MAN2B1: variants seen among roughly 807,000 people sequenced by gnomAD.
MAN2B1 encodes the protein mannosidase alpha class 2B member 1.
Under a neutral mutation model 127.5 loss-of-function variants are expected in MAN2B1, and 99 were observed. That is an observed-to-expected ratio of 0.78 (90% confidence interval 0.66 to 0.92). MAN2B1 has a LOEUF of 0.92. Among genes scored for constraint, MAN2B1 ranks in the 40% least tolerant of loss-of-function variants. The pLI is 0.00. For missense variants in MAN2B1, 1,304 were observed against 1,384.8 expected, an observed-to-expected ratio of 0.94 and a Z score of 0.93; for synonymous variants, 573 against 568.8, an observed-to-expected ratio of 1.01 and a Z score of -0.11.
chr19:12,652,724 G>T (rs2023869549), intron 14 of MAN2B1, among the ~76,000 whole-genome samples: 1 of 151,820 alleles, frequency 6.6e-6, no homozygotes, highest in Non-Finnish European at 1.5e-5. Context: ...TAGAGACAGG[G>T]TTTCACCATG....
In MAN2B1 at chr19:12,647,828, T is replaced by C. The variant is rs774405855; in HGVS notation, c.2665-230A>G. On this transcript the variant is annotated intron_variant, in intron 21 of 23. Coordinates refer to ENST00000456935, the MANE Select transcript of MAN2B1 (RefSeq NM_000528.4). This position sits in a 1 kb window ranked among gnomAD's most constrained non-coding sequence, Gnocchi z 4.9. ...TCGAGTCCCGATGGAGCAGAACTGATGTGACCTGAGACTTTGGGAGTTACG... is the reference window on the plus strand; with the variant it reads ...TCGAGTCCCGATGGAGCAGAACTGACGTGACCTGAGACTTTGGGAGTTACG... 2.0e-5 allele frequency among the ~76,000 whole-genome samples: 3 copies of C among 151,260 alleles called. No individual in the cohort carries two copies. Among genetic ancestry groups the C allele is most frequent in the Non-Finnish European group, 4.4e-5 (3 of 67,900 alleles).
rs753811983 is a variant in MAN2B1, at chr19:12,665,706, C to T, written c.259G>A (p.Gly87Arg). Reference sequence around the variant, plus strand: ...CCAGTCCCCATCCTCTACTCACTTCCATAAAAGTACTGGTCCACGGTTTTG... The same window carrying T: ...CCAGTCCCCATCCTCTACTCACTTCTATAAAAGTACTGGTCCACGGTTTTG... ...WLKTVDQYFY[G>R]IKNDIQHAGV... Residue 87 changes from glycine to arginine, a missense_variant, in exon 2 of 24, where the codon GGA becomes AGA. Transcript: ENST00000456935. 1 of 1,613,970 alleles carries T rather than the reference C, an allele frequency of 6.2e-7. No homozygotes were observed. The highest frequency in any genetic ancestry group is 8.5e-7 in the Non-Finnish European group (1 of 1,179,828).
At chr19:12,652,605 C>T (rs2023866483) in intron 14 of MAN2B1, 145 bp from the exon 15 acceptor site, 1 of 666,762 alleles carries the variant, frequency 1.5e-6, no homozygotes, top group East Asian at 2.7e-5. Context: ...AATCTTGGCT[C>T]ACTGCACCCC....
At position 12,652,352 on chromosome 19, in the gene MAN2B1, TC is replaced by T; in HGVS notation, c.1928+10del. 2 of 1,613,244 alleles carry T rather than the reference TC, an allele frequency of 1.2e-6. No homozygotes were observed. The highest frequency in any genetic ancestry group is 8.5e-7 in the Non-Finnish European group (1 of 1,179,354). On this transcript the variant is annotated intron_variant, in intron 15 of 23. Transcript: ENST00000456935. ...ACCACCCCACCCTCAGGCCTGGTGA[TC>T]TTCCCTTACCAGAAGAAGGTCTGGC...
chr19:12,660,045 C>T (rs949188873), intron 7 of MAN2B1, among the ~76,000 whole-genome samples: 1 of 152,010 alleles, frequency 6.6e-6, no homozygotes, highest in African/African-American at 2.4e-5. Flanking sequence ...CAGCCACAGC[C>T]ACAGGCCACT....
In MAN2B1 at chr19:12,663,362, G is replaced by A. The variant is rs146909343; in HGVS notation, c.864C>T (p.Asn288=). 1.8e-5 allele frequency: 29 copies of A among 1,614,132 alleles called. No individual in the cohort carries two copies. Among genetic ancestry groups the A allele is most frequent in the African/African-American group, 6.7e-5 (5 of 75,042 alleles). The change falls in exon 6 of 24, where the codon AAC becomes AAT. Residue 288 remains asparagine, a synonymous_variant. Transcript: ENST00000456935. ...GGAAGTAATCGACCAGCTCCTTGGC[G>A]TTGTACTCGGGGCTGCGAGGGTCCT... is the stretch of plus-strand genomic sequence containing the variant. The part of the protein sequence containing the change: ...LVEDPRSPEY[N]AKELVDYFLN...
Position 12,647,968 on chromosome 19 carries a change from A to G in MAN2B1, c.2664+207T>C. On this transcript the variant is annotated intron_variant, in intron 21 of 23. Coordinates refer to ENST00000456935, the MANE Select transcript of MAN2B1 (RefSeq NM_000528.4). The surrounding 1 kb of genome is among the most constrained non-coding windows in gnomAD (Gnocchi z 4.9). ...GGTGAGTTGGTGGTTTAGGGGCATG[A>G]GCTAGGGCTGTGCCTCTACACAGTC... Among the ~76,000 whole-genome samples the G allele has an allele frequency of 6.6e-6, 1 of 151,806 alleles. No individual in the cohort carries two copies.
intron 14 of MAN2B1, 67 bp from the exon 15 acceptor site, chr19:12,652,527 T>A: frequency 9.7e-7 from 1 of 1,026,314 alleles, no homozygotes; most frequent in Non-Finnish European, 1.4e-6. Context: ...TTTTTAATTT[T>A]TCTTTTTTCT....
At position 12,652,612 on chromosome 19, in the gene MAN2B1, C is replaced by G. The variant is rs2023866759; in HGVS notation, c.1831-152G>C. The G allele has an allele frequency of 4.2e-5, 27 of 647,876 alleles. No individual in the cohort carries two copies. The South Asian group carries it at 4.8e-4, about 12-fold the overall frequency. The allele number at this position is 647,876 out of a possible 1,614,324, so 40.1% of individuals were successfully genotyped here. On this transcript the variant is annotated intron_variant, in intron 14 of 23. Transcript: ENST00000456935. ...AGTGGTGCAATCTTGGCTCACTGCACCCCCCACCTCCCGGGTTCAAGTGAT... is the reference window on the plus strand; with the variant it reads ...AGTGGTGCAATCTTGGCTCACTGCAGCCCCCACCTCCCGGGTTCAAGTGAT...
rs555285695 is a variant in MAN2B1 at position 12,659,430 on chromosome 19, T to C, written c.1027-920A>G. 2.6e-5 allele frequency among the ~76,000 whole-genome samples: 4 copies of C among 151,226 alleles called. No homozygotes were observed. In the South Asian group the frequency reaches 6.3e-4, roughly 24 times the overall value. On this transcript the variant is annotated intron_variant, in intron 7 of 23. Coordinates refer to ENST00000456935, the MANE Select transcript of MAN2B1 (RefSeq NM_000528.4). ...GATTCTCCTGCCTCAGCCTGCCGAG[T>C]AGCTGGTCTTACAGATGAGTGCCAT...
intron 7 of MAN2B1, 190 bp from the exon 8 acceptor site, chr19:12,658,700 T>C: frequency 1.6e-6 from 1 of 612,750 alleles, no homozygotes; most frequent in Admixed American, 2.7e-5. Flanking sequence ...CTAGCCTTTT[T>C]TAAAAGGATT....
intron 7 of MAN2B1, among the ~76,000 whole-genome samples, chr19:12,660,157 C>T (rs1398000969): frequency 2.0e-5 from 3 of 152,128 alleles, no homozygotes; most frequent in Non-Finnish European, 4.4e-5. Flanking sequence ...GATTACATGG[C>T]AAAAGGGGAA....
chr19:12,655,942 G>A (rs1156609458), intron 13 of MAN2B1, 63 bp from the exon 14 acceptor site: 1 of 1,399,478 alleles, frequency 7.1e-7, no homozygotes, highest in Admixed American at 1.7e-5. Context: ...CATGCATGGA[G>A]ACAAAAAACT....
rs1232072412 is a variant in MAN2B1, at chr19:12,649,156, C to T, written c.2416G>A (p.Asp806Asn). 2.5e-6 allele frequency: 4 copies of T among 1,612,406 alleles called. No homozygotes were observed. In the East Asian group the frequency reaches 6.7e-5, roughly 27 times the overall value. ...DRSQGGSSLR[D>N]GSLELMVHRR... Reference sequence around the variant, plus strand: ...CTCACCATGAGCTCCAGCGAGCCATCTCTCAGGCTGCTGCCCCCCTGGGAG... The same window carrying T: ...CTCACCATGAGCTCCAGCGAGCCATTTCTCAGGCTGCTGCCCCCCTGGGAG... The change falls in exon 20 of 24, where the codon GAT (aspartate) becomes AAT (asparagine). Residue 806 changes from aspartate (D) to asparagine (N), a missense_variant. Asp to Asn is a conservative substitution (Grantham distance 23, BLOSUM62 1). Transcript: ENST00000456935.
chr19:12,664,995 G>T lies in MAN2B1; in HGVS notation c.437-10C>A. 1 of 1,612,374 alleles carries T rather than the reference G, an allele frequency of 6.2e-7. No homozygotes were observed. Among genetic ancestry groups the T allele is most frequent in the South Asian group, 1.1e-5 (1 of 91,072 alleles). ...GCGAACTCCAGGCGCCCTGTGCCAGGACAGGCAAGGTCAGGGTCAGCGGTC... is the reference window on the plus strand; with the variant it reads ...GCGAACTCCAGGCGCCCTGTGCCAGTACAGGCAAGGTCAGGGTCAGCGGTC... On this transcript the variant is annotated splice_polypyrimidine_tract_variant and intron_variant, in intron 3 of 23. Transcript: ENST00000456935.
At chr19:12,666,486 C>A in intron 1 of MAN2B1, 57 bp downstream of exon 1, 1 of 1,547,496 alleles carries the variant, frequency 6.5e-7, no homozygotes, top group Non-Finnish European at 8.8e-7. Flanking sequence ...CACCTCTAGA[C>A]TGTATTCTGG....
intron 7 of MAN2B1, chr19:12,658,985 T>A (rs1408111213): frequency 1.3e-5 from 3 of 233,860 alleles, no homozygotes. Flanking sequence ...GCCTCATGAG[T>A]ACCTGGGACT....
Position 12,654,804 on chromosome 19 carries a change from G to A in MAN2B1, c.1830+890C>T, listed in dbSNP as rs190205356. On this transcript the variant is annotated intron_variant, in intron 14 of 23. Coordinates refer to ENST00000456935, the MANE Select transcript of MAN2B1 (RefSeq NM_000528.4). Reference sequence around the variant, plus strand: ...ATCCTCCTTCCTCAGCCCCCAAGTAGCTGGGATTACAGACGTGTACCACCA... The same window carrying A: ...ATCCTCCTTCCTCAGCCCCCAAGTAACTGGGATTACAGACGTGTACCACCA... 2.0e-5 allele frequency among the ~76,000 whole-genome samples: 3 copies of A among 151,954 alleles called. No homozygotes were observed. In the East Asian group the frequency reaches 5.8e-4, roughly 29 times the overall value.
intron 16 of MAN2B1, among the ~76,000 whole-genome samples, chr19:12,650,966 C>A (rs1020044309): frequency 6.7e-6 from 1 of 149,788 alleles, no homozygotes; most frequent in Non-Finnish European, 1.5e-5. Flanking sequence ...GCCACTGCAC[C>A]CGGCCTCTTT....
Sources: allele counts gnomAD v4.1 joint callset (sites outside exome capture counted in the v4.1 genomes callset), GRCh38; gene constraint gnomAD v4.1.1; non-coding constraint Gnocchi (gnomAD v3.1); transcripts MANE v1.5; gene names NCBI Gene and HGNC (gene_info 2026-07-23, HGNC 2026-07-21).